Variants in TSHZ2 observed in about 807,000 individuals in gnomAD.
TSHZ2 encodes teashirt homolog 2.
Under a neutral mutation model 74.4 loss-of-function variants are expected in TSHZ2, and 21 were observed. The ratio of observed to expected loss-of-function variants is 0.28; its 90% confidence interval spans 0.20 to 0.41. The LOEUF is 0.41. Ranked by LOEUF, TSHZ2 falls within the 10% of genes least tolerant of loss-of-function variation. The probability of loss-of-function intolerance (pLI) is 1.00; values close to 1 mark genes in which losing one functional copy is unlikely to be tolerated. For synonymous variants in TSHZ2, 540 were observed against 515.3 expected, an observed-to-expected ratio of 1.05 and a Z score of -0.65; for missense variants, 1,244 against 1,293.5, an observed-to-expected ratio of 0.96 and a Z score of 0.59.
At chr20:53,426,192 G>C (rs913272817) in intron 2 of TSHZ2, among the ~76,000 whole-genome samples, 1 of 152,196 alleles carries the variant, frequency 6.6e-6, no homozygotes, top group African/African-American at 2.4e-5. Context: ...GATTTTGATT[G>C]CTTCAGGACT....
chr20:53,403,613 T>G (rs1305815144), intron 2 of TSHZ2, among the ~76,000 whole-genome samples: 8 of 152,212 alleles, frequency 5.3e-5, no homozygotes, highest in Admixed American at 5.2e-4. Flanking sequence ...ACCCTGAGTG[T>G]GTGTGCGGTA....
At chr20:52,975,054 G>A (rs978312893) in intron 1 of TSHZ2, among the ~76,000 whole-genome samples, 1 of 152,000 alleles carries the variant, frequency 6.6e-6, no homozygotes, top group African/African-American at 2.4e-5. Flanking sequence ...CTAAAACTTA[G>A]GCTGCTTTGC....
At chr20:52,983,296 G>A (rs1326984972) in intron 1 of TSHZ2, among the ~76,000 whole-genome samples, 4 of 152,178 alleles carry the variant, frequency 2.6e-5, no homozygotes, top group African/African-American at 7.2e-5. Flanking sequence ...TAGATTATGT[G>A]ACACATATAA....
At chr20:53,434,278 C>T (rs1000458079) in intron 2 of TSHZ2, among the ~76,000 whole-genome samples, 2 of 152,186 alleles carry the variant, frequency 1.3e-5, no homozygotes, top group Non-Finnish European at 2.9e-5. Context: ...CATACATTAT[C>T]TCATGTAATC....
chr20:53,442,179 AGT>A (rs1170145902), intron 2 of TSHZ2, among the ~76,000 whole-genome samples: 3 of 152,116 alleles, frequency 2.0e-5, no homozygotes, highest in Non-Finnish European at 4.4e-5. Context: ...GGAATGTATG[AGT>A]GTGTGTACGT....
At chr20:53,043,309 CAG>C (rs1033399432) in intron 1 of TSHZ2, among the ~76,000 whole-genome samples, 20 of 152,082 alleles carry the variant, frequency 1.3e-4, no homozygotes, top group African/African-American at 3.4e-4. Flanking sequence ...TTTTGCCTCT[CAG>C]GGGACATTAC....
chr20:52,974,870 A>G (rs919070190), intron 1 of TSHZ2, among the ~76,000 whole-genome samples: 1 of 152,236 alleles, frequency 6.6e-6, no homozygotes, highest in East Asian at 1.9e-4. Context: ...GCGTGGATTC[A>G]TATATTTTCT....
intron 1 of TSHZ2, among the ~76,000 whole-genome samples, chr20:53,048,217 A>G (rs1305876260): frequency 1.3e-5 from 2 of 152,128 alleles, no homozygotes; most frequent in Admixed American, 6.5e-5. Flanking sequence ...CCCAGGACCC[A>G]TTCTGACTTC....
chr20:53,312,532 C>T (rs1978836891), intron 2 of TSHZ2, among the ~76,000 whole-genome samples: 1 of 152,142 alleles, frequency 6.6e-6, no homozygotes, highest in Non-Finnish European at 1.5e-5. Context: ...GAAGAGGAGA[C>T]AATAGAGAGG....
intron 1 of TSHZ2, among the ~76,000 whole-genome samples, chr20:52,988,782 T>C (rs1271118944): frequency 1.3e-5 from 2 of 152,078 alleles, no homozygotes; most frequent in Non-Finnish European, 2.9e-5. Context: ...ACACAGTCCA[T>C]CTGGGGCGTC....
At chr20:53,438,502 C>T (rs1984183245) in intron 2 of TSHZ2, among the ~76,000 whole-genome samples, 1 of 152,158 alleles carries the variant, frequency 6.6e-6, no homozygotes. Context: ...CATTGGACTA[C>T]CTAGGGTCGT....
intron 1 of TSHZ2, among the ~76,000 whole-genome samples, chr20:53,147,687 T>C (rs1030697431): frequency 7.2e-5 from 11 of 152,282 alleles, no homozygotes; most frequent in Admixed American, 3.3e-4. Context: ...GCATAAGACA[T>C]GCATAAAATA....
intron 2 of TSHZ2, among the ~76,000 whole-genome samples, chr20:53,304,080 G>A (rs561371808): frequency 3.4e-4 from 52 of 151,660 alleles, no homozygotes; most frequent in African/African-American, 1.2e-3. Flanking sequence ...GGGTACATGT[G>A]CACAATGTGC....
intron 2 of TSHZ2, among the ~76,000 whole-genome samples, chr20:53,459,128 C>A (rs1197475033): frequency 2.0e-5 from 3 of 152,082 alleles, no homozygotes; most frequent in Non-Finnish European, 4.4e-5. Flanking sequence ...CTTTCTGTCT[C>A]ATTGATCTGT....
intron 2 of TSHZ2, among the ~76,000 whole-genome samples, chr20:53,427,725 G>A (rs548912847): frequency 3.3e-5 from 5 of 152,274 alleles, no homozygotes; most frequent in South Asian, 2.1e-4. Context: ...GTCACCTCCC[G>A]GGAATGTTTG....
chr20:53,239,864 A>C (rs750022339), intron 1 of TSHZ2, among the ~76,000 whole-genome samples: 16 of 152,200 alleles, frequency 1.1e-4, no homozygotes, highest in Non-Finnish European at 2.1e-4. Flanking sequence ...ATTTGTACAC[A>C]TTTATAAAAA....
chr20:53,023,337 A>C (rs1040736698), intron 1 of TSHZ2, among the ~76,000 whole-genome samples: 3 of 152,224 alleles, frequency 2.0e-5, no homozygotes, highest in African/African-American at 7.2e-5. Context: ...GAAATGACAG[A>C]AATTGCAGCG....
At chr20:53,290,464 A>G (rs1353507948) in intron 2 of TSHZ2, among the ~76,000 whole-genome samples, 2 of 152,070 alleles carry the variant, frequency 1.3e-5, no homozygotes, top group Admixed American at 6.5e-5. Flanking sequence ...AAGGCAAACT[A>G]CTAGAAAAAA....
chr20:53,249,468 T>G (rs1990276208), intron 1 of TSHZ2, among the ~76,000 whole-genome samples: 1 of 152,046 alleles, frequency 6.6e-6, no homozygotes, highest in South Asian at 2.1e-4. Flanking sequence ...TATTTCAGAG[T>G]CTGGTAAGTG....
Sources: gnomAD v4.1 joint callset for allele counts (sites outside exome capture counted in the v4.1 genomes callset) on GRCh38, gnomAD v4.1.1 for gene constraint, MANE v1.5 for transcripts, NCBI Gene and HGNC (gene_info 2026-07-23, HGNC 2026-07-21) for gene names.